BMPR1B: variants seen among roughly 807,000 people sequenced by gnomAD.
BMPR1B encodes bone morphogenetic protein receptor type-1B.
Under a neutral mutation model 59.1 loss-of-function variants are expected in BMPR1B, and 12 were observed. The ratio of observed to expected loss-of-function variants is 0.20; its 90% confidence interval spans 0.13 to 0.33. The LOEUF (loss-of-function observed/expected upper bound fraction) is 0.33. Ranked by LOEUF, BMPR1B falls within the 10% of genes least tolerant of loss-of-function variation. The pLI is 1.00. For missense variants in BMPR1B, 550 were observed against 610.9 expected (o/e 0.90, Z 1.05); for synonymous variants, 237 against 207.3 (o/e 1.14, Z -1.23).
intron 6 of BMPR1B, among the ~76,000 whole-genome samples, chr4:95,120,610 T>TGCCCTTCCTTCCTTCCTTCCTTCC (rs1553940471): frequency 1.6e-5 from 2 of 122,586 alleles, no homozygotes; most frequent in Admixed American, 8.7e-5. Context: ...ATAGCCTGCC[T>TGCCCTTCCTTCCTTCCTTCCTTCC]TTCCTTCCTT....
At chr4:94,942,925 T>C (rs962002894) in intron 2 of BMPR1B, among the ~76,000 whole-genome samples, 10 of 152,248 alleles carry the variant, frequency 6.6e-5, no homozygotes, top group African/African-American at 2.4e-4. Context: ...TACATGATAC[T>C]GTATTGTAGA....
intron 1 of BMPR1B, among the ~76,000 whole-genome samples, chr4:94,804,855 G>A (rs987919730): frequency 1.3e-5 from 2 of 152,118 alleles, no homozygotes; most frequent in African/African-American, 4.8e-5. Context: ...ACTCTGAAAT[G>A]TTTCGCTTGG....
Position 95,156,863 on chromosome 4 carries a change from A to C in BMPR1B, c.*2190A>C, listed in dbSNP as rs544198254. On this transcript the variant is annotated 3_prime_UTR_variant, in exon 13 of 13. Coordinates refer to ENST00000515059, the MANE Select transcript of BMPR1B (RefSeq NM_001203.3). ...ACTAATCATCTGAGCCTTGAAGAGA[A>C]ACTTCAGTGCCTCTAAACAGATCAT... 2.0e-5 allele frequency: 3 copies of C among 152,286 alleles called. No individual in the cohort carries two copies. Among genetic ancestry groups the C allele is most frequent in the South Asian group, 4.1e-4 (2 of 4,826 alleles). 9.4% of individuals were successfully genotyped at this position (152,286 alleles called of 1,614,324 possible). A position where few individuals can be genotyped will look rare whatever the true frequency, so the allele number is the denominator to read the frequency against.
chr4:95,073,363 G>A (rs57153923), intron 3 of BMPR1B, among the ~76,000 whole-genome samples: 6,566 of 152,180 alleles, frequency 0.043, 469 homozygotes, highest in African/African-American at 0.15. Flanking sequence ...TGACTGCTAT[G>A]CAACATTTTG....
Position 94,842,620 on chromosome 4 carries a change from A to G in BMPR1B, c.-182-33211A>G, listed in dbSNP as rs573433322. Among the ~76,000 whole-genome samples, 10 of 152,242 alleles carry G rather than the reference A, an allele frequency of 6.6e-5. No homozygotes were observed. The East Asian group carries it at 1.9e-3, about 29-fold the overall frequency. The stretch of plus-strand genomic sequence containing the variant: ...GCCCAGGCTGGAATGCAGTGGCCCA[A>G]TCTCAGCTCACTGCAACCTCCAGAG... On this transcript the variant is annotated intron_variant, in intron 1 of 12. Coordinates refer to ENST00000515059, the MANE Select transcript of BMPR1B (RefSeq NM_001203.3).
rs1023016871 is a variant in BMPR1B, at chr4:94,783,858, G to A, written c.-183+25790G>A. ...TAGCCGTTGTAGTTTAGAGCTGGGG[G>A]GATGAGAAGTGCTGGTGGCCCCTCC... On this transcript the variant is annotated intron_variant, in intron 1 of 12. Coordinates refer to ENST00000515059, the MANE Select transcript of BMPR1B (RefSeq NM_001203.3). 3.3e-5 allele frequency among the ~76,000 whole-genome samples: 5 copies of A among 152,252 alleles called. No homozygotes were observed. In the East Asian group the frequency reaches 9.7e-4, roughly 29 times the overall value.
intron 3 of BMPR1B, among the ~76,000 whole-genome samples, chr4:95,087,202 A>G (rs1224858874): frequency 6.6e-6 from 1 of 151,686 alleles, no homozygotes; most frequent in African/African-American, 2.4e-5. Context: ...TAATTTTTGT[A>G]TTTTTAGTGG....
chr4:94,953,359 C>T (rs113753885), intron 2 of BMPR1B, among the ~76,000 whole-genome samples: 17,272 of 152,146 alleles, frequency 0.11, 1,157 homozygotes, highest in Middle Eastern at 0.18. Context: ...ATAGTGTCGA[C>T]GGTCTTTACA....
intron 3 of BMPR1B, among the ~76,000 whole-genome samples, chr4:95,003,229 A>G (rs1722578588): frequency 6.6e-6 from 1 of 152,194 alleles, no homozygotes; most frequent in South Asian, 2.1e-4. Context: ...TCTTAATTTA[A>G]CTGTTAATAC....
At chr4:94,947,611 TTTG>T (rs1376176952) in intron 2 of BMPR1B, among the ~76,000 whole-genome samples, 1 of 152,208 alleles carries the variant, frequency 6.6e-6, no homozygotes, top group African/African-American at 2.4e-5. Context: ...TACAAATGTG[TTTG>T]TTGATTGAAG....
intron 1 of BMPR1B, among the ~76,000 whole-genome samples, chr4:94,841,364 G>A (rs1374857934): frequency 6.7e-6 from 1 of 149,696 alleles, no homozygotes; most frequent in Non-Finnish European, 1.5e-5. Context: ...CCCCAGCCTC[G>A]CTGCCGCCTT....
intron 3 of BMPR1B, among the ~76,000 whole-genome samples, chr4:95,061,605 G>A (rs1212611758): frequency 3.9e-5 from 6 of 152,154 alleles, no homozygotes; most frequent in Admixed American, 3.9e-4. Flanking sequence ...ATTTTTGAAA[G>A]CGAAGAAAAT....
chr4:95,117,617 T>TA (rs879509018), intron 6 of BMPR1B, among the ~76,000 whole-genome samples: 78 of 143,948 alleles, frequency 5.4e-4, no homozygotes, highest in East Asian at 3.0e-3. Context: ...GCTCCATCTC[T>TA]AAAAAAAAAA....
chr4:94,803,111 C>A (rs967822818), intron 1 of BMPR1B, among the ~76,000 whole-genome samples: 4 of 152,120 alleles, frequency 2.6e-5, no homozygotes, highest in African/African-American at 9.7e-5. Context: ...ATTGAGTACC[C>A]CCTGGCTGAT....
At chr4:94,994,558 C>T (rs1248158267) in intron 2 of BMPR1B, among the ~76,000 whole-genome samples, 2 of 152,184 alleles carry the variant, frequency 1.3e-5, no homozygotes, top group African/African-American at 4.8e-5. Flanking sequence ...AGAGTAGGAA[C>T]TATGTTTTAT....
intron 3 of BMPR1B, among the ~76,000 whole-genome samples, chr4:95,021,505 T>A (rs1358955406): frequency 2.0e-5 from 3 of 152,198 alleles, no homozygotes; most frequent in Non-Finnish European, 4.4e-5. Flanking sequence ...TTTAGCTGCT[T>A]ATTATTTTTC....
At chr4:95,026,098 A>ATTTCTTTCTTTCCTTCCTTCTTTC (rs1455953912) in intron 3 of BMPR1B, among the ~76,000 whole-genome samples, 1 of 101,622 alleles carries the variant, frequency 9.8e-6, no homozygotes, top group Non-Finnish European at 2.1e-5. Context: ...GCTTTCTTTC[A>ATTTCTTTCTTTCCTTCCTTCTTTC]TTTCTTTCTT....
chr4:95,100,174 G>C (rs1414489225), intron 3 of BMPR1B, among the ~76,000 whole-genome samples: 4 of 151,918 alleles, frequency 2.6e-5, no homozygotes, highest in Non-Finnish European at 5.9e-5. Flanking sequence ...CCATTAGCAG[G>C]TACCTATTCC....
intron 10 of BMPR1B, among the ~76,000 whole-genome samples, chr4:95,133,055 C>T (rs1157553820): frequency 1.3e-5 from 2 of 152,180 alleles, no homozygotes; most frequent in Non-Finnish European, 2.9e-5. Context: ...CCAGTTTTGG[C>T]TGATCCATTC....
Sources: gnomAD v4.1 joint callset for allele counts (sites outside exome capture counted in the v4.1 genomes callset) on GRCh38, gnomAD v4.1.1 for gene constraint, MANE v1.5 for transcripts, NCBI Gene and HGNC (gene_info 2026-07-23, HGNC 2026-07-21) for gene names.